LIMCH1: variants seen among roughly 807,000 people sequenced by gnomAD.
LIMCH1 encodes the protein LIM and calponin homology domains-containing protein 1.
A neutral mutation model predicts 176.5 loss-of-function variants in LIMCH1; 113 were observed. The ratio of observed to expected loss-of-function variants is 0.64; its 90% CI spans 0.55 to 0.75. The LOEUF is 0.75. Among genes scored for constraint, LIMCH1 ranks in the 30% least tolerant of loss-of-function variants. The pLI, the probability that LIMCH1 is intolerant of heterozygous loss-of-function variation, is 0.00. For missense variants in LIMCH1, 1,674 were observed against 1,814.9 expected (o/e 0.92, Z 1.41); for synonymous variants, 619 against 645.9 (o/e 0.96, Z 0.63).
At chr4:41,433,660 A>G (rs368716412) in intron 1 of LIMCH1, among the ~76,000 whole-genome samples, 4 of 149,852 alleles carry the variant, frequency 2.7e-5, no homozygotes, top group African/African-American at 1.0e-4. Flanking sequence ...AAAAGAAAGC[A>G]GAAGCTGTTA....
intron 2 of LIMCH1, among the ~76,000 whole-genome samples, chr4:41,495,321 T>G (rs1438709893): frequency 6.6e-6 from 1 of 152,204 alleles, no homozygotes; most frequent in African/African-American, 2.4e-5. Flanking sequence ...GTACATACAA[T>G]GAAACACACA....
Position 41,541,219 on chromosome 4 carries a change from C to T in LIMCH1, c.-241+2869C>T, listed in dbSNP as rs559960466. Among the ~76,000 whole-genome samples the T allele has an allele frequency of 2.0e-5, 3 of 152,270 alleles. No individual in the cohort carries two copies. The East Asian group carries it at 5.8e-4, about 29-fold the overall frequency. On this transcript the variant is annotated intron_variant, in intron 1 of 31. Coordinates refer to ENST00000503057, the MANE Select transcript of LIMCH1 (RefSeq NM_001330672.2). ...TAGTGAAAGAATGAAGGAACCAAAG[C>T]AGTTGTTGTAATGATATAAAATAAG... is the stretch of plus-strand genomic sequence containing the variant.
chr4:41,500,827 A>G (rs995795751), intron 2 of LIMCH1, among the ~76,000 whole-genome samples: 1 of 152,212 alleles, frequency 6.6e-6, no homozygotes, highest in African/African-American at 2.4e-5. Flanking sequence ...CAGGTTCAAT[A>G]CAAGTGAGGG....
intron 1 of LIMCH1, among the ~76,000 whole-genome samples, chr4:41,566,333 A>G (rs2082769025): frequency 6.6e-6 from 1 of 152,208 alleles, no homozygotes; most frequent in Non-Finnish European, 1.5e-5. Flanking sequence ...CATCAGAGGA[A>G]TCACTATCTA....
At chr4:41,446,047 T>G (rs1402448115) in intron 1 of LIMCH1, among the ~76,000 whole-genome samples, 1 of 152,186 alleles carries the variant, frequency 6.6e-6, no homozygotes, top group Non-Finnish European at 1.5e-5. Flanking sequence ...CCTCAGTACA[T>G]TGGGTAATTT....
chr4:41,593,527 A>G (rs900881958), intron 1 of LIMCH1, among the ~76,000 whole-genome samples: 2 of 152,210 alleles, frequency 1.3e-5, no homozygotes, highest in African/African-American at 4.8e-5. Flanking sequence ...TGAAGTCACA[A>G]TCCTACCTAG....
intron 1 of LIMCH1, among the ~76,000 whole-genome samples, chr4:41,545,852 A>G (rs1561697640): frequency 6.6e-6 from 1 of 152,194 alleles, no homozygotes; most frequent in Non-Finnish European, 1.5e-5. Context: ...ATTTCGTTTC[A>G]TACTTACTTG....
chr4:41,608,682 T>TA, intron 4 of LIMCH1, among the ~76,000 whole-genome samples: 1 of 152,214 alleles, frequency 6.6e-6, no homozygotes, highest in Admixed American at 6.5e-5. Flanking sequence ...TATTTTTTTT[T>TA]AAAGGATCTC....
intron 1 of LIMCH1, among the ~76,000 whole-genome samples, chr4:41,426,407 A>G (rs2061109514): frequency 6.6e-6 from 1 of 152,202 alleles, no homozygotes; most frequent in Admixed American, 6.5e-5. Context: ...ATCTTTCTTT[A>G]TGATAGTAAT....
chr4:41,585,812 T>C (rs985336450), intron 1 of LIMCH1, among the ~76,000 whole-genome samples: 1 of 152,218 alleles, frequency 6.6e-6, no homozygotes, highest in Non-Finnish European at 1.5e-5. Flanking sequence ...CATCTCAGAC[T>C]GATACGTGAT....
intron 2 of LIMCH1, among the ~76,000 whole-genome samples, chr4:41,499,587 A>C (rs1329955407): frequency 6.6e-6 from 1 of 152,178 alleles, no homozygotes; most frequent in East Asian, 1.9e-4. Context: ...TGGAAGGGCA[A>C]GGTGGGGGGA....
chr4:41,365,536 C>G (rs767889876), intron 1 of LIMCH1, among the ~76,000 whole-genome samples: 8 of 152,186 alleles, frequency 5.3e-5, no homozygotes, highest in Non-Finnish European at 8.8e-5. Context: ...AATTCTCCAC[C>G]TCTGTAGGGA....
At chr4:41,682,833 C>T (rs1294207936) in intron 26 of LIMCH1, among the ~76,000 whole-genome samples, 7 of 152,016 alleles carry the variant, frequency 4.6e-5, no homozygotes, top group South Asian at 4.2e-4. Context: ...CGTGCCACCA[C>T]GCCCAGCTAA....
chr4:41,469,768 G>C (rs972486594), intron 1 of LIMCH1, among the ~76,000 whole-genome samples: 25 of 151,884 alleles, frequency 1.6e-4, no homozygotes, highest in Admixed American at 1.2e-3. Flanking sequence ...TGCAACCTCT[G>C]CCTCCCGGGT....
At chr4:41,583,544 T>G (rs73810276) in intron 1 of LIMCH1, among the ~76,000 whole-genome samples, 1 of 152,226 alleles carries the variant, frequency 6.6e-6, no homozygotes, top group Non-Finnish European at 1.5e-5. Flanking sequence ...AATTTATTAT[T>G]TTGAATATAC....
intron 1 of LIMCH1, among the ~76,000 whole-genome samples, chr4:41,598,521 A>G (rs1171344909): frequency 6.6e-6 from 1 of 151,256 alleles, no homozygotes; most frequent in Non-Finnish European, 1.5e-5. Context: ...AAGATGAAAA[A>G]CCTTTTTAAA....
At position 41,650,362 on chromosome 4, in the gene LIMCH1, G is replaced by A. The variant is rs773344091; in HGVS notation, c.2821-31G>A. ...ACAGTCTTTGATTGGGGTATATATAGCATGTTTTTTGTTCATTCTGGCTTT... is the reference window on the plus strand; with the variant it reads ...ACAGTCTTTGATTGGGGTATATATAACATGTTTTTTGTTCATTCTGGCTTT... On this transcript the variant is annotated intron_variant, in intron 17 of 31. Transcript: ENST00000503057. 5.3e-6 allele frequency: 8 copies of A among 1,507,346 alleles called. No homozygotes were observed. In the South Asian group the frequency reaches 6.8e-5, roughly 13 times the overall value. The allele number at this position is 1,507,346 out of a possible 1,614,324, so 93.4% of individuals were successfully genotyped here.
chr4:41,613,612 C>G lies in LIMCH1; in HGVS notation c.156C>G (p.Arg52=), dbSNP rs751327439. The G allele has an allele frequency of 1.2e-6, 2 of 1,614,194 alleles. No homozygotes were observed. Among genetic ancestry groups the G allele is most frequent in the East Asian group, 4.5e-5 (2 of 44,874 alleles). Residue 52 remains arginine, a synonymous_variant, in exon 5 of 32, where the codon CGC becomes CGG. Coordinates refer to ENST00000503057, the MANE Select transcript of LIMCH1 (RefSeq NM_001330672.2). ...ACAGCCTGGATTCCTTTGGCTCTCG[C>G]TCTCGGCAGACGCCTTCACCAGATG... ...SFDSLDSFGS[R]SRQTPSPDVV...
At chr4:41,652,902 T>A (rs2094349863) in intron 18 of LIMCH1, among the ~76,000 whole-genome samples, 2 of 152,204 alleles carry the variant, frequency 1.3e-5, no homozygotes, top group African/African-American at 4.8e-5. Flanking sequence ...CAGAAAAGCC[T>A]GGGAGTCTTT....
Sources: allele counts gnomAD v4.1 joint callset (sites outside exome capture counted in the v4.1 genomes callset), GRCh38; gene constraint gnomAD v4.1.1; transcripts MANE v1.5; gene names NCBI Gene and HGNC (gene_info 2026-07-23, HGNC 2026-07-21).